POLR1C: variants seen among roughly 807,000 people sequenced by gnomAD.
POLR1C encodes the protein DNA-directed RNA polymerases I and III subunit RPAC1.
A neutral mutation model predicts 38.3 loss-of-function variants in POLR1C; 42 were observed. That is an observed-to-expected ratio of 1.10 (90% CI 0.86 to 1.42). The LOEUF (loss-of-function observed/expected upper bound fraction) is 1.42, where lower values mean the gene tolerates loss of function less well. POLR1C is among the 40% of genes most tolerant of loss of function. The probability of loss-of-function intolerance (pLI) is 0.00; values close to 1 mark genes in which losing one functional copy is unlikely to be tolerated. For missense variants in POLR1C, 507 were observed against 450.5 expected (o/e 1.13, Z -1.14); for synonymous variants, 163 against 163.9 (o/e 0.99, Z 0.04).
At chr6:43,547,476 A>G in intron 9 of POLR1C, 1 of 771,696 alleles carries the variant, frequency 1.3e-6, no homozygotes, top group Non-Finnish European at 2.3e-6. Flanking sequence ...AGAAAGGAGA[A>G]GCTTAGGGAA....
downstream of POLR1C, chr6:43,523,767 G>C: frequency 6.3e-7 from 1 of 1,582,854 alleles, no homozygotes; most frequent in Non-Finnish European, 8.7e-7. Context: ...GCTGACAGTG[G>C]TGGAAAGTGA....
chr6:43,525,687 C>T, downstream of POLR1C: 1 of 773,098 alleles, frequency 1.3e-6, no homozygotes. Context: ...TGCACCTTTT[C>T]CCTCGGTTTT....
At chr6:43,539,616 C>T (rs9381245) in intron 9 of POLR1C, 110 of 1,374,636 alleles carry the variant, frequency 8.0e-5, no homozygotes, top group East Asian at 7.9e-4. Context: ...ATGCCACTGG[C>T]GAAACCTCTG....
At chr6:43,530,631 G>T, downstream of POLR1C, 1 of 1,589,680 alleles carries the variant, frequency 6.3e-7, no homozygotes. Context: ...GACCTGTTTT[G>T]TTTCTCTCTC....
At chr6:43,542,925 C>A (rs1006916090) in intron 9 of POLR1C, among the ~76,000 whole-genome samples, 1 of 152,022 alleles carries the variant, frequency 6.6e-6, no homozygotes, top group African/African-American at 2.4e-5. Context: ...ATAAGAATGT[C>A]AACAGCAGCA....
downstream of POLR1C, among the ~76,000 whole-genome samples, chr6:43,522,033 A>G (rs1156850970): frequency 6.6e-6 from 1 of 152,226 alleles, no homozygotes; most frequent in South Asian, 2.1e-4. Flanking sequence ...CACTTCACCT[A>G]TCTCCTGGTT....
chr6:43,520,472 G>C (rs754643784), intron 6 of POLR1C, 45 bp downstream of exon 6: 8 of 1,611,044 alleles, frequency 5.0e-6, no homozygotes, highest in Non-Finnish European at 6.8e-6. Flanking sequence ...TAGTTCGGTT[G>C]CAGTGGGGCA....
chr6:43,549,920 G>A, intron 9 of POLR1C: 2 of 1,612,242 alleles, frequency 1.2e-6, no homozygotes, highest in African/African-American at 1.3e-5. Flanking sequence ...TTTCAAAAGT[G>A]ACAGATGAAA....
chr6:43,539,607 T>C (rs1349645586), intron 9 of POLR1C: 4 of 1,385,260 alleles, frequency 2.9e-6, no homozygotes, highest in Non-Finnish European at 4.0e-6. Context: ...CGGCCCCGGA[T>C]GCCACTGGCG....
At chr6:43,517,921 G>A (rs757398583) in intron 2 of POLR1C, among the ~76,000 whole-genome samples, 1 of 152,014 alleles carries the variant, frequency 6.6e-6, no homozygotes, top group Non-Finnish European at 1.5e-5. Flanking sequence ...TGACCTTTGC[G>A]TGCAGCTTAT....
chr6:43,534,495 C>A (rs1794191029), downstream of POLR1C, among the ~76,000 whole-genome samples: 1 of 152,136 alleles, frequency 6.6e-6, no homozygotes, highest in South Asian at 2.1e-4. Flanking sequence ...CACATGCTGT[C>A]CCCCACCAAA....
At chr6:43,555,835 C>G (rs990250564) in intron 10 of POLR1C, 7 of 1,613,568 alleles carry the variant, frequency 4.3e-6, no homozygotes, top group Non-Finnish European at 5.9e-6. Flanking sequence ...AAAAAACTTA[C>G]AATTCACAGA....
At chr6:43,544,667 T>C (rs1794878559) in intron 9 of POLR1C, among the ~76,000 whole-genome samples, 1 of 152,148 alleles carries the variant, frequency 6.6e-6, no homozygotes. Context: ...GGTTCACACT[T>C]GTAATGCTAG....
intron 10 of POLR1C, among the ~76,000 whole-genome samples, chr6:43,552,255 G>A (rs182273147): frequency 1.6e-4 from 24 of 151,548 alleles, no homozygotes; most frequent in East Asian, 7.8e-4. Flanking sequence ...ACAGGGTTTC[G>A]CCATGTTGAC....
chr6:43,559,844 T>A (rs1762313311), intron 10 of POLR1C, among the ~76,000 whole-genome samples: 1 of 152,102 alleles, frequency 6.6e-6, no homozygotes, highest in Non-Finnish European at 1.5e-5. Context: ...AGACAGGGTC[T>A]CACTCTCATT....
rs371870708 is a variant in POLR1C at position 43,520,086 on chromosome 6, A to T, written c.403A>T (p.Ile135Leu). 1.2e-6 allele frequency: 2 copies of T among 1,614,150 alleles called. No individual in the cohort carries two copies. Among genetic ancestry groups the T allele is most frequent in the African/African-American group, 2.7e-5 (2 of 75,038 alleles). ...TGCAGGAGATGAAGAAGGCACAGAG[A>T]TAGATACTCTACAGTTTCGTCTCCA... ...RNQGDEEGTE[I>L]DTLQFRLQVR... Residue 135 changes from isoleucine (I) to leucine (L), a missense_variant, in exon 5 of 9, where the codon ATA becomes TTA. By Grantham distance (5) the Ile-to-Leu change is conservative. Coordinates refer to ENST00000642195, the MANE Select transcript of POLR1C (RefSeq NM_203290.4).
intron 9 of POLR1C, chr6:43,546,482 A>G: frequency 7.8e-7 from 1 of 1,290,122 alleles, no homozygotes; most frequent in African/African-American, 1.5e-5. Flanking sequence ...TAATACCACT[A>G]AGATATGAAG....
chr6:43,532,040 T>C (rs1794023047), downstream of POLR1C, among the ~76,000 whole-genome samples: 1 of 152,242 alleles, frequency 6.6e-6, no homozygotes, highest in South Asian at 2.1e-4. Flanking sequence ...TCGAGTCCTA[T>C]AGTCAGAAGC....
Position 43,521,193 on chromosome 6 carries a change from T to A in POLR1C, c.934T>A (p.Ser312Thr), listed in dbSNP as rs1452037623. The change falls in exon 9 of 9, where the codon TCA (serine) becomes ACA (threonine). Residue 312 changes from serine (S) to threonine (T), a missense_variant. Physicochemically the swap from Ser to Thr is moderately conservative, Grantham distance 58. Coordinates refer to ENST00000642195, the MANE Select transcript of POLR1C (RefSeq NM_203290.4). ...VRDHYIFSVE[S>T]TGVLPPDVLV... ...TCTTTGGTCCCCAGTCTCTGTTGAGTCAACGGGGGTGTTGCCACCAGATGT... is the reference window on the plus strand; with the variant it reads ...TCTTTGGTCCCCAGTCTCTGTTGAGACAACGGGGGTGTTGCCACCAGATGT... The A allele has an allele frequency of 6.2e-7, 1 of 1,614,108 alleles. No individual in the cohort carries two copies. The highest frequency in any genetic ancestry group is 1.7e-5 in the Admixed American group (1 of 60,022).
Sources: gnomAD v4.1 joint callset for allele counts (sites outside exome capture counted in the v4.1 genomes callset) on GRCh38, gnomAD v4.1.1 for gene constraint, MANE v1.5 for transcripts, NCBI Gene and HGNC (gene_info 2026-07-23, HGNC 2026-07-21) for gene names.